Variants in KAZN observed in about 807,000 individuals in gnomAD.
The protein encoded by KAZN is kazrin, periplakin interacting protein, also known as kazrin.
A neutral mutation model predicts 87.4 loss-of-function variants in KAZN; 40 were observed. The ratio of observed to expected loss-of-function variants is 0.46; its 90% confidence interval spans 0.36 to 0.60. The LOEUF (loss-of-function observed/expected upper bound fraction) is 0.60. Among genes scored for constraint, KAZN ranks in the 20% least tolerant of loss-of-function variants. The pLI is 0.00. For synonymous variants in KAZN, 466 were observed against 458.3 expected (o/e 1.02, Z -0.22); for missense variants, 898 against 1,073.9 (o/e 0.84, Z 2.29).
chr1:14,593,383 C>A (rs977618142), intron 2 of KAZN, among the ~76,000 whole-genome samples: 2 of 152,202 alleles, frequency 1.3e-5, no homozygotes, highest in African/African-American at 4.8e-5. Flanking sequence ...ATAAACCCTG[C>A]CTTCCTGAGG....
At chr1:13,945,710 TGAGAGA>T (rs200937986) in intron 1 of KAZN, among the ~76,000 whole-genome samples, 2,513 of 137,046 alleles carry the variant, frequency 0.018, 34 homozygotes, top group African/African-American at 0.04. Context: ...TGTGTGTGTG[TGAGAGA>T]GAGAGAGAGA....
intron 1 of KAZN, among the ~76,000 whole-genome samples, chr1:14,851,941 G>A (rs966625189): frequency 3.9e-5 from 6 of 152,230 alleles, no homozygotes; most frequent in South Asian, 2.1e-4. Context: ...GGAGACCCAG[G>A]TCCTCCGGAA....
intron 1 of KAZN, among the ~76,000 whole-genome samples, chr1:14,883,568 C>T (rs1432141101): frequency 6.7e-6 from 1 of 150,250 alleles, no homozygotes; most frequent in Non-Finnish European, 1.5e-5. Flanking sequence ...TCCTCCCATC[C>T]TCCATCATCC....
At chr1:14,795,852 A>G (rs1005540948) in intron 1 of KAZN, among the ~76,000 whole-genome samples, 13 of 152,044 alleles carry the variant, frequency 8.6e-5, no homozygotes, top group African/African-American at 2.9e-4. Flanking sequence ...TCATTTCCCC[A>G]TCACTCAGGA....
chr1:14,386,682 C>T (rs567529555), intron 2 of KAZN, among the ~76,000 whole-genome samples: 45 of 152,244 alleles, frequency 3.0e-4, no homozygotes, highest in African/African-American at 8.9e-4. Flanking sequence ...CCGAGATATC[C>T]GCTGTTAGTC....
At chr1:14,037,524 C>T (rs905656307) in intron 1 of KAZN, among the ~76,000 whole-genome samples, 2 of 152,178 alleles carry the variant, frequency 1.3e-5, no homozygotes, top group Non-Finnish European at 2.9e-5. Context: ...AATTTAGAAC[C>T]CTGAGTCCTG....
Position 15,114,968 on chromosome 1 carries a change from G to A in KAZN, c.*333G>A, listed in dbSNP as rs1043966643. On this transcript the variant is annotated 3_prime_UTR_variant, in exon 15 of 15. Transcript: ENST00000376030. Reference sequence around the variant, plus strand: ...ACTGTGGAGCAGCCAAGCAGTCCCTGGAGCCTTAAACGGAGCTGCCAAGGT... The same window carrying A: ...ACTGTGGAGCAGCCAAGCAGTCCCTAGAGCCTTAAACGGAGCTGCCAAGGT... 36 of 191,660 alleles carry A rather than the reference G, an allele frequency of 1.9e-4. No individual in the cohort carries two copies. The highest frequency in any genetic ancestry group is 3.8e-4 in the East Asian group (3 of 7,972). 11.9% of individuals were successfully genotyped at this position (191,660 alleles called of 1,614,324 possible).
intron 1 of KAZN, among the ~76,000 whole-genome samples, chr1:14,164,314 G>A (rs1429383462): frequency 6.6e-6 from 1 of 152,102 alleles, no homozygotes; most frequent in Non-Finnish European, 1.5e-5. Flanking sequence ...CCTTTAGATG[G>A]CACATTCACA....
At chr1:14,365,887 G>A (rs1298724170) in intron 2 of KAZN, among the ~76,000 whole-genome samples, 3 of 152,074 alleles carry the variant, frequency 2.0e-5, no homozygotes, top group Non-Finnish European at 4.4e-5. Flanking sequence ...TTCCTCTTAT[G>A]GCATATTGCT....
At chr1:14,205,221 A>C (rs186634870) in intron 2 of KAZN, among the ~76,000 whole-genome samples, 2 of 152,164 alleles carry the variant, frequency 1.3e-5, no homozygotes, top group Non-Finnish European at 2.9e-5. Context: ...AGGCTGGAAA[A>C]TGTAATTCAG....
intron 1 of KAZN, among the ~76,000 whole-genome samples, chr1:14,919,573 T>C (rs902525428): frequency 1.3e-5 from 2 of 152,194 alleles, no homozygotes; most frequent in Non-Finnish European, 2.9e-5. Flanking sequence ...GTTACAAAAC[T>C]ATGGGGTGTT....
intron 8 of KAZN, among the ~76,000 whole-genome samples, chr1:15,083,918 G>A (rs1374438038): frequency 7.2e-5 from 11 of 152,194 alleles, no homozygotes; most frequent in African/African-American, 2.2e-4. Context: ...ACTGGGAGGC[G>A]GGGAATTCAG....
At chr1:14,369,016 C>A (rs1054474672) in intron 2 of KAZN, among the ~76,000 whole-genome samples, 1 of 152,134 alleles carries the variant, frequency 6.6e-6, no homozygotes, top group Non-Finnish European at 1.5e-5. Flanking sequence ...TAATAGGGAG[C>A]GCTGGGCTTC....
intron 2 of KAZN, among the ~76,000 whole-genome samples, chr1:14,535,284 A>G (rs1672422479): frequency 6.6e-6 from 1 of 152,236 alleles, no homozygotes; most frequent in African/African-American, 2.4e-5. Context: ...CTGTGACAAG[A>G]CCTTATAAAT....
chr1:15,058,263 C>T (rs918284171), intron 5 of KAZN, among the ~76,000 whole-genome samples: 19 of 152,322 alleles, frequency 1.2e-4, no homozygotes, highest in Non-Finnish European at 2.5e-4. Flanking sequence ...ACATAACAAA[C>T]CTGGCTCAGA....
chr1:14,199,587 C>G (rs868532694), intron 2 of KAZN, among the ~76,000 whole-genome samples: 1 of 152,190 alleles, frequency 6.6e-6, no homozygotes, highest in African/African-American at 2.4e-5. Flanking sequence ...GTTCACCTGC[C>G]TGAAGCAGGC....
intron 2 of KAZN, among the ~76,000 whole-genome samples, chr1:14,979,284 C>T (rs1391774310): frequency 1.3e-5 from 2 of 151,568 alleles, no homozygotes; most frequent in Non-Finnish European, 2.9e-5. Flanking sequence ...TGGTGGGCGC[C>T]TGTAATCCCA....
At chr1:14,492,715 C>T (rs374713063) in intron 2 of KAZN, among the ~76,000 whole-genome samples, 1 of 2,272 alleles carries the variant, frequency 4.4e-4, no homozygotes, top group Non-Finnish European at 1.1e-3. Flanking sequence ...CGCACATACA[C>T]ACACCACACA....
intron 2 of KAZN, among the ~76,000 whole-genome samples, chr1:14,569,974 G>T (rs913415666): frequency 2.0e-5 from 3 of 152,116 alleles, no homozygotes; most frequent in African/African-American, 7.2e-5. Flanking sequence ...TTAACTGGGT[G>T]CGGTGGTGGG....
Sources: allele counts gnomAD v4.1 joint callset (sites outside exome capture counted in the v4.1 genomes callset), GRCh38; gene constraint gnomAD v4.1.1; transcripts MANE v1.5; gene names NCBI Gene and HGNC (gene_info 2026-07-23, HGNC 2026-07-21).